Variants in HPSE2 observed in about 807,000 individuals in gnomAD.
HPSE2 encodes heparanase 2 (inactive), also known as inactive heparanase-2.
In HPSE2, 38 loss-of-function variants were observed where a neutral mutation model predicts 60.5. That is an observed-to-expected ratio of 0.63 (90% CI 0.48 to 0.82). The LOEUF is 0.82. Among genes scored for constraint, HPSE2 ranks in the 40% least tolerant of loss-of-function variants. The pLI is 0.00. For synonymous variants in HPSE2, 295 were observed against 293.2 expected, an observed-to-expected ratio of 1.01 and a Z score of -0.06; for missense variants, 713 against 740.4, an observed-to-expected ratio of 0.96 and a Z score of 0.43.
At chr10:99,093,106 T>C (rs544684870) in intron 3 of HPSE2, among the ~76,000 whole-genome samples, 1 of 152,202 alleles carries the variant, frequency 6.6e-6, no homozygotes, top group South Asian at 2.1e-4. Flanking sequence ...TGTGTGCCTG[T>C]AGTCCCACCT....
At chr10:98,798,996 T>C (rs1045420112) in intron 3 of HPSE2, among the ~76,000 whole-genome samples, 3 of 152,102 alleles carry the variant, frequency 2.0e-5, no homozygotes, top group Non-Finnish European at 4.4e-5. Flanking sequence ...ATAAAGTGAC[T>C]GAATGGATGT....
At chr10:99,156,750 G>C (rs1199277362) in intron 2 of HPSE2, among the ~76,000 whole-genome samples, 1 of 129,410 alleles carries the variant, frequency 7.7e-6, no homozygotes, top group African/African-American at 2.5e-5. Context: ...GTTCTGGCCA[G>C]GGCAATTAGG....
At chr10:99,209,475 T>C (rs193140714) in intron 2 of HPSE2, among the ~76,000 whole-genome samples, 2 of 152,148 alleles carry the variant, frequency 1.3e-5, no homozygotes, top group Admixed American at 6.5e-5. Flanking sequence ...CCAAAACTTA[T>C]GGGAAGCAGC....
intron 3 of HPSE2, among the ~76,000 whole-genome samples, chr10:98,928,459 T>C (rs1480056121): frequency 9.7e-6 from 1 of 103,398 alleles, no homozygotes; most frequent in Non-Finnish European, 1.9e-5. Context: ...GAACTAGAAA[T>C]ACCATTTGAC....
intron 2 of HPSE2, among the ~76,000 whole-genome samples, chr10:99,173,736 G>A (rs796437672): frequency 5.9e-5 from 9 of 152,206 alleles, no homozygotes; most frequent in African/African-American, 1.9e-4. Flanking sequence ...CTGAGGTCAG[G>A]AGTTCGAGAC....
chr10:99,080,185 C>T (rs575570142), intron 3 of HPSE2, among the ~76,000 whole-genome samples: 81 of 152,154 alleles, frequency 5.3e-4, no homozygotes, highest in Non-Finnish European at 9.0e-4. Context: ...TCCTATCCTT[C>T]ATCCTTGCTC....
intron 4 of HPSE2, among the ~76,000 whole-genome samples, chr10:98,730,982 C>T (rs1016646593): frequency 6.6e-6 from 1 of 152,122 alleles, no homozygotes; most frequent in African/African-American, 2.4e-5. Context: ...GACACCAAAG[C>T]CAGTCAAAGA....
At chr10:99,111,153 A>C (rs1037799080) in intron 3 of HPSE2, among the ~76,000 whole-genome samples, 6 of 151,962 alleles carry the variant, frequency 3.9e-5, no homozygotes, top group African/African-American at 1.4e-4. Flanking sequence ...TGCGCTCTCT[A>C]TTCTGTCCCA....
intron 6 of HPSE2, among the ~76,000 whole-genome samples, chr10:98,653,007 G>A (rs1946959180): frequency 1.3e-5 from 2 of 152,082 alleles, no homozygotes; most frequent in Non-Finnish European, 2.9e-5. Flanking sequence ...TAACTAATTG[G>A]ATTCTACCAG....
At chr10:98,643,141 G>C (rs1380676648) in intron 6 of HPSE2, among the ~76,000 whole-genome samples, 1 of 152,204 alleles carries the variant, frequency 6.6e-6, no homozygotes, top group African/African-American at 2.4e-5. Context: ...GAATGTTGGA[G>C]CAAATTTGGC....
In HPSE2 at chr10:98,986,943, G is replaced by A. The variant is rs181621440; in HGVS notation, c.610+157295C>T. On this transcript the variant is annotated intron_variant, in intron 3 of 11. Coordinates refer to ENST00000370552, the MANE Select transcript of HPSE2 (RefSeq NM_021828.5). ...ATAAACCCTCCCAAGACTAAACCAG[G>A]AAGAAGCTGAGTCTCTGAACAGACC... Among the ~76,000 whole-genome samples, 209 of 152,218 alleles carry A rather than the reference G, an allele frequency of 1.4e-3. 1 individual carries two copies. The highest frequency in any genetic ancestry group is 4.8e-3 in the African/African-American group (199 of 41,530).
chr10:98,658,152 C>T (rs1368338514), intron 6 of HPSE2, among the ~76,000 whole-genome samples: 1 of 151,940 alleles, frequency 6.6e-6, no homozygotes, highest in Non-Finnish European at 1.5e-5. Flanking sequence ...TGGGCCTAAA[C>T]GATACGATGA....
upstream of HPSE2, among the ~76,000 whole-genome samples, chr10:99,237,985 T>C (rs1237102013): frequency 2.6e-5 from 4 of 152,194 alleles, no homozygotes; most frequent in African/African-American, 7.2e-5. Context: ...GAAAAATAAA[T>C]ACTTTTATTT....
intron 3 of HPSE2, among the ~76,000 whole-genome samples, chr10:98,818,232 A>G (rs1426252314): frequency 6.6e-6 from 1 of 152,156 alleles, no homozygotes; most frequent in Non-Finnish European, 1.5e-5. Context: ...ACAATCCTCT[A>G]ATGCAGCAGT....
At chr10:99,310,075 T>C in the HPSE2 span, among the ~76,000 whole-genome samples, 96 of 152,324 alleles carry the variant, frequency 6.3e-4, no homozygotes, top group Non-Finnish European at 1.0e-3. Flanking sequence ...TGTGGCTATA[T>C]CACTCCATCT....
chr10:98,585,678 G>A (rs1489823258), intron 9 of HPSE2, among the ~76,000 whole-genome samples: 4 of 150,906 alleles, frequency 2.7e-5, no homozygotes, highest in Admixed American at 6.6e-5. Flanking sequence ...AAGGCCGGGC[G>A]CAGTGGCTCA....
intron 4 of HPSE2, among the ~76,000 whole-genome samples, chr10:98,731,270 C>A (rs557234369): frequency 2.7e-5 from 4 of 150,842 alleles, no homozygotes; most frequent in Non-Finnish European, 3.0e-5. Context: ...CAGAGTGAGA[C>A]CCTTTCTCAA....
chr10:99,072,927 C>CAAAA (rs770699941), intron 3 of HPSE2, among the ~76,000 whole-genome samples: 2 of 88,034 alleles, frequency 2.3e-5, no homozygotes, highest in African/African-American at 1.3e-4. Flanking sequence ...GGCTCCGTCT[C>CAAAA]AAAAAAAAAA....
the HPSE2 span, among the ~76,000 whole-genome samples, chr10:99,247,131 CAT>C: frequency 6.6e-6 from 1 of 152,210 alleles, no homozygotes; most frequent in Non-Finnish European, 1.5e-5. Context: ...AGCATACACA[CAT>C]ACCCTTCCAT....
Sources: allele counts gnomAD v4.1 joint callset (sites outside exome capture counted in the v4.1 genomes callset), GRCh38; gene constraint gnomAD v4.1.1; transcripts MANE v1.5; gene names NCBI Gene and HGNC (gene_info 2026-07-23, HGNC 2026-07-21).